Variants in TRIM51G observed in about 807,000 individuals in gnomAD.
TRIM51G encodes tripartite motif-containing protein 51G.
chr11:48,975,726 G>C, the TRIM51G span: 42,253 of 1,555,270 alleles, frequency 0.027, 717 homozygotes, highest in African/African-American at 0.054. Context: ...CAAGAAGAAA[G>C]AGTCCCACCT....
chr11:48,975,948 A>G, the TRIM51G span: 1 of 725,134 alleles, frequency 1.4e-6, no homozygotes. Context: ...TCAAATCTCC[A>G]TGCAGGAAGA....
chr11:48,979,670 G>T, the TRIM51G span, among the ~76,000 whole-genome samples: 1 of 151,550 alleles, frequency 6.6e-6, no homozygotes, highest in Non-Finnish European at 1.5e-5. Context: ...TCTATAACTA[G>T]AATTATTTTC....
the TRIM51G span, chr11:48,975,787 A>G: frequency 2.6e-6 from 4 of 1,563,676 alleles, no homozygotes; most frequent in Non-Finnish European, 2.6e-6. Context: ...ATTGTTACAG[A>G]CACCAAAAGC....
At chr11:48,980,578 G>A in the TRIM51G span, among the ~76,000 whole-genome samples, 1 of 152,084 alleles carries the variant, frequency 6.6e-6, no homozygotes, top group Non-Finnish European at 1.5e-5. Context: ...TTCCATGACT[G>A]ACAAATAACA....
the TRIM51G span, chr11:48,977,039 A>G: frequency 6.9e-6 from 5 of 727,302 alleles, no homozygotes; most frequent in African/African-American, 8.7e-5. Flanking sequence ...TGATTCTAAC[A>G]AGAAGTAATA....
chr11:48,977,696 C>T, the TRIM51G span, among the ~76,000 whole-genome samples: 15 of 152,190 alleles, frequency 9.9e-5, no homozygotes, highest in South Asian at 2.1e-4. Flanking sequence ...TAAATATAAA[C>T]TAGAAATCAT....
chr11:48,977,054 G>T, the TRIM51G span: 1 of 785,608 alleles, frequency 1.3e-6, no homozygotes, highest in Non-Finnish European at 2.3e-6. Context: ...GTAATACATT[G>T]TGGGAATTTT....
At chr11:48,976,085 A>C in the TRIM51G span, 1 of 374,134 alleles carries the variant, frequency 2.7e-6, no homozygotes, top group South Asian at 2.2e-5. Context: ...CCAAGAATTT[A>C]CTTTGCCAAG....
chr11:48,976,013 TA>T, the TRIM51G span: 3 of 544,182 alleles, frequency 5.5e-6, no homozygotes, highest in East Asian at 4.3e-5. Context: ...AAAATAATTT[TA>T]AAAAAGTATA....
At chr11:48,978,813 G>A in the TRIM51G span, 2 of 787,126 alleles carry the variant, frequency 2.5e-6, no homozygotes, top group Non-Finnish European at 4.5e-6. Flanking sequence ...TCAGGAGAGA[G>A]GTAAAACACC....
the TRIM51G span, chr11:48,979,026 T>C: frequency 8.7e-6 from 10 of 1,144,622 alleles, no homozygotes; most frequent in Non-Finnish European, 1.3e-5. Flanking sequence ...CAAGTGACGT[T>C]GCTCTTCTTC....
At chr11:48,977,562 G>T in the TRIM51G span, among the ~76,000 whole-genome samples, 1 of 152,094 alleles carries the variant, frequency 6.6e-6, no homozygotes, top group African/African-American at 2.4e-5. Flanking sequence ...CCTTCTCAAG[G>T]CCAGGGTGTT....
the TRIM51G span, chr11:48,977,002 T>G: frequency 1.6e-6 from 1 of 631,020 alleles, no homozygotes; most frequent in South Asian, 1.6e-5. Context: ...AAATAAAGAT[T>G]TGACGAAGGG....
chr11:48,975,661 A>G, the TRIM51G span: 1 of 1,441,206 alleles, frequency 6.9e-7, no homozygotes, highest in Non-Finnish European at 9.8e-7. Context: ...AACATATTGC[A>G]TTACAAGTGG....
At chr11:48,979,896 T>A in the TRIM51G span, among the ~76,000 whole-genome samples, 2 of 151,614 alleles carry the variant, frequency 1.3e-5, no homozygotes, top group Non-Finnish European at 2.9e-5. Context: ...AGGATATATA[T>A]ATTTGCTCCT....
chr11:48,980,409 T>C, the TRIM51G span, among the ~76,000 whole-genome samples: 1 of 152,292 alleles, frequency 6.6e-6, no homozygotes, highest in African/African-American at 2.4e-5. Context: ...ATATGTGTTA[T>C]GACTGATTCA....
chr11:48,981,688 G>T, the TRIM51G span: 1 of 1,598,942 alleles, frequency 6.3e-7, no homozygotes, highest in South Asian at 1.1e-5. Flanking sequence ...CAAGATTCCA[G>T]AATTCATGTT....
chr11:48,977,010 G>C, the TRIM51G span: 22 of 646,878 alleles, frequency 3.4e-5, no homozygotes. Flanking sequence ...ATTTGACGAA[G>C]GGTAAAATAT....
At chr11:48,980,249 C>T in the TRIM51G span, among the ~76,000 whole-genome samples, 1 of 151,990 alleles carries the variant, frequency 6.6e-6, no homozygotes, top group Non-Finnish European at 1.5e-5. Context: ...ATCATACCCT[C>T]AATATAAACA....
Sources: gnomAD v4.1 joint callset for allele counts (sites outside exome capture counted in the v4.1 genomes callset) on GRCh38, gnomAD v4.1.1 for gene constraint, MANE v1.5 for transcripts, NCBI Gene and HGNC (gene_info 2026-07-23, HGNC 2026-07-21) for gene names.